The following TF variants were observed in gnomAD, a reference collection of about 807,000 sequenced individuals.
The protein encoded by TF is transferrin.
TF carries 55 observed loss-of-function variants against 82.4 expected under a neutral mutation model. The observed-to-expected ratio is 0.67, with a 90% confidence interval of 0.54 to 0.84. The LOEUF (loss-of-function observed/expected upper bound fraction) is 0.84, where lower values mean the gene tolerates loss of function less well. Ranked by LOEUF, TF falls within the 40% of genes least tolerant of loss-of-function variation. TF has a pLI of 0.00. For missense variants in TF, 737 were observed against 868.4 expected (o/e 0.85, Z 1.90); for synonymous variants, 332 against 332.6 (o/e 1.00, Z 0.02).
intron 3 of TF, among the ~76,000 whole-genome samples, chr3:133,754,232 G>A (rs1329168562): frequency 6.6e-6 from 1 of 152,224 alleles, no homozygotes; most frequent in Non-Finnish European, 1.5e-5. Flanking sequence ...GCAGGGCCAG[G>A]GGAGGCAAAG....
At chr3:133,667,785 ATC>A in the TF span, among the ~76,000 whole-genome samples, 2 of 152,200 alleles carry the variant, frequency 1.3e-5, no homozygotes, top group Non-Finnish European at 2.9e-5. Flanking sequence ...CTAGAAAGGC[ATC>A]TCTCACTCAC....
the TF span, among the ~76,000 whole-genome samples, chr3:133,708,442 C>T: frequency 1.3e-5 from 2 of 152,048 alleles, no homozygotes; most frequent in Non-Finnish European, 2.9e-5. Context: ...TAGTGTTAGT[C>T]TGTTTGGCTC....
At position 133,753,600 on chromosome 3, in the gene TF, C is replaced by A; in HGVS notation, c.222C>A (p.Asn74Lys). 1.2e-6 allele frequency: 2 copies of A among 1,614,052 alleles called. No individual in the cohort carries two copies. The highest frequency in any genetic ancestry group is 2.2e-5 in the East Asian group (1 of 44,878). The change falls in exon 3 of 17, where the codon AAC becomes AAA. Residue 74 changes from asparagine to lysine, a missense_variant. Physicochemically the swap from Asn to Lys is moderately conservative, Grantham distance 94 (BLOSUM62 0). Transcript: ENST00000402696. ...ACTGGCCTGTTCTCTTTCAGGCAAACGAAGCGGATGCTGTGACACTGGATG... is the reference window on the plus strand; with the variant it reads ...ACTGGCCTGTTCTCTTTCAGGCAAAAGAAGCGGATGCTGTGACACTGGATG... ...YLDCIRAIAA[N>K]EADAVTLDAG...
the TF span, among the ~76,000 whole-genome samples, chr3:133,727,723 G>A: frequency 4.7e-5 from 6 of 128,630 alleles, no homozygotes; most frequent in Non-Finnish European, 3.3e-5. Flanking sequence ...TATTTTGCTC[G>A]TTAGTTGATG....
Position 133,778,848 on chromosome 3 carries a change from C to T in TF, c.*228C>T, listed in dbSNP as rs1206777618. The T allele has an allele frequency of 4.5e-6, 2 of 442,950 alleles. No individual in the cohort carries two copies. Among genetic ancestry groups the T allele is most frequent in the Non-Finnish European group, 8.3e-6 (2 of 241,434 alleles). 27.4% of individuals were successfully genotyped at this position (442,950 alleles called of 1,614,324 possible). A position where few individuals can be genotyped will look rare whatever the true frequency, so the allele number is the denominator to read the frequency against. ...CAAAGGATTTCTTTATGCATTCTGC[C>T]TAAATACCTATGCAACTGAGCCCTT... On this transcript the variant is annotated 3_prime_UTR_variant, in exon 17 of 17. Transcript: ENST00000402696.
chr3:133,688,261 G>A, the TF span: 1 of 153,194 alleles, frequency 6.5e-6, no homozygotes. Flanking sequence ...GCCACGAAGT[G>A]CACCAGTTTC....
At chr3:133,694,275 C>T in the TF span, 77,738 of 152,688 alleles carry the variant, frequency 0.51, 20,336 homozygotes, top group Admixed American at 0.57. Context: ...GAATTTCCCT[C>T]GCCTGTGTCA....
At chr3:133,736,484 C>A in the TF span, among the ~76,000 whole-genome samples, 1 of 151,778 alleles carries the variant, frequency 6.6e-6, no homozygotes. Context: ...GGGCTAAGTG[C>A]CCCCCAGTTA....
chr3:133,663,593 C>T, the TF span, among the ~76,000 whole-genome samples: 1 of 152,134 alleles, frequency 6.6e-6, no homozygotes, highest in Non-Finnish European at 1.5e-5. Flanking sequence ...CTCCTGCTCA[C>T]ACTATTCCCG....
Position 133,757,897 on chromosome 3 carries a change from C to T in TF, c.999C>T (p.Tyr333=), listed in dbSNP as rs1933882458. The T allele has an allele frequency of 1.9e-6, 3 of 1,614,186 alleles. No homozygotes were observed. Among genetic ancestry groups the T allele is most frequent in the Non-Finnish European group, 2.5e-6 (3 of 1,180,046 alleles). ...CCCCCAGGATGGATGCCAAGATGTA[C>T]CTGGGCTATGAGTATGTCACTGCCA... The part of the protein sequence containing the change: ...KVPPRMDAKM[Y]LGYEYVTAIR... The change falls in exon 8 of 17, where the codon TAC becomes TAT. Residue 333 remains tyrosine, a synonymous_variant. Transcript: ENST00000402696.
intron 14 of TF, 44 bp from the exon 15 acceptor site, chr3:133,775,389 C>T: frequency 6.2e-7 from 1 of 1,610,818 alleles, no homozygotes; most frequent in South Asian, 1.1e-5. Context: ...AGCGGGGCAC[C>T]TTGACCAAAG....
the TF span, among the ~76,000 whole-genome samples, chr3:133,714,177 C>G: frequency 5.6e-4 from 85 of 152,086 alleles, no homozygotes; most frequent in Non-Finnish European, 8.5e-4. Context: ...GTGTGGAGGC[C>G]AGAGAAGAAG....
At chr3:133,728,941 T>C in the TF span, among the ~76,000 whole-genome samples, 1 of 152,236 alleles carries the variant, frequency 6.6e-6, no homozygotes, top group South Asian at 2.1e-4. Flanking sequence ...TTCGCCTGGG[T>C]ATCAGCAGCG....
At chr3:133,774,721 C>T (rs568288426) in intron 14 of TF, 86 of 197,618 alleles carry the variant, frequency 4.4e-4, no homozygotes, top group African/African-American at 1.9e-3. Flanking sequence ...ATTAGTTATT[C>T]GGTTAAAGAA....
intron 13 of TF, among the ~76,000 whole-genome samples, chr3:133,769,051 C>T (rs966213854): frequency 6.6e-6 from 1 of 152,128 alleles, no homozygotes; most frequent in Non-Finnish European, 1.5e-5. Flanking sequence ...GTCTTGGCCT[C>T]CCAAAGTGCT....
the TF span, among the ~76,000 whole-genome samples, chr3:133,697,146 A>G: frequency 1.3e-5 from 2 of 152,198 alleles, no homozygotes; most frequent in African/African-American, 4.8e-5. Flanking sequence ...ATTATTACAC[A>G]TTGACTATAA....
Position 133,794,050 on chromosome 3 carries a change from C to T in TF, c.*15430C>T, listed in dbSNP as rs1220854484. The T allele has an allele frequency of 1.3e-5, 2 of 152,130 alleles. No individual in the cohort carries two copies. The highest frequency in any genetic ancestry group is 3.8e-4 in the East Asian group (2 of 5,198). 9.4% of individuals were successfully genotyped at this position (152,130 alleles called of 1,614,324 possible). A position where few individuals can be genotyped will look rare whatever the true frequency, so the allele number is the denominator to read the frequency against. On this transcript the variant is annotated 3_prime_UTR_variant, in exon 17 of 17. Coordinates refer to ENST00000402696, the MANE Select transcript of TF (RefSeq NM_001063.4). ...AACTCCATCATTTAAATCAAATTAC[C>T]TATGATAACCCATCAGTTATCAGTG...
At chr3:133,758,758 C>CCTAA (rs1933905900) in intron 8 of TF, among the ~76,000 whole-genome samples, 3 of 152,264 alleles carry the variant, frequency 2.0e-5, no homozygotes, top group African/African-American at 7.2e-5. Context: ...CTAGCATTGC[C>CCTAA]CTAACCCTGA....
the TF span, among the ~76,000 whole-genome samples, chr3:133,728,008 T>A: frequency 6.6e-5 from 10 of 152,382 alleles, no homozygotes; most frequent in East Asian, 1.9e-3. Context: ...CTGGCAGGGT[T>A]TCTGCTGAGA....
Sources: allele counts gnomAD v4.1 joint callset (sites outside exome capture counted in the v4.1 genomes callset), GRCh38; gene constraint gnomAD v4.1.1; transcripts MANE v1.5; gene names NCBI Gene and HGNC (gene_info 2026-07-23, HGNC 2026-07-21).